The following SDK1 variants were observed in gnomAD, a reference collection of about 807,000 sequenced individuals.
SDK1 encodes the protein protein sidekick-1.
A neutral mutation model predicts 245.5 loss-of-function variants in SDK1; 157 were observed. That is an observed-to-expected ratio of 0.64 (90% CI 0.56 to 0.73). SDK1 has a LOEUF of 0.73. Among genes scored for constraint, SDK1 ranks in the 30% least tolerant of loss-of-function variants. The pLI, the probability that SDK1 is intolerant of heterozygous loss-of-function variation, is 0.00. For synonymous variants in SDK1, 1,647 were observed against 1,278.5 expected, an observed-to-expected ratio of 1.29 and a Z score of -6.15; for missense variants, 3,583 against 3,002.3, an observed-to-expected ratio of 1.19 and a Z score of -4.52.
chr7:4,216,818 C>T (rs1486957515), intron 38 of SDK1, among the ~76,000 whole-genome samples: 2 of 152,142 alleles, frequency 1.3e-5, no homozygotes, highest in African/African-American at 2.4e-5. Flanking sequence ...AGCATTTACC[C>T]GGTATGGGCA....
intron 1 of SDK1, among the ~76,000 whole-genome samples, chr7:3,611,413 A>G (rs76712761): frequency 0.032 from 4,848 of 152,184 alleles, 231 homozygotes; most frequent in African/African-American, 0.1. Flanking sequence ...TTAATAACCA[A>G]ACGACTTACT....
chr7:3,377,315 A>G (rs1039705497), intron 1 of SDK1, among the ~76,000 whole-genome samples: 2 of 152,134 alleles, frequency 1.3e-5, no homozygotes, highest in African/African-American at 2.4e-5. Context: ...ATGTTTAACG[A>G]TAAAGGACTA....
intron 5 of SDK1, among the ~76,000 whole-genome samples, chr7:3,875,929 C>A (rs1405395221): frequency 6.6e-6 from 1 of 152,184 alleles, no homozygotes; most frequent in Non-Finnish European, 1.5e-5. Context: ...CTTCCAGCTT[C>A]TTTGTTCTCT....
At chr7:4,176,361 T>A (rs642202) in intron 34 of SDK1, among the ~76,000 whole-genome samples, 1 of 151,828 alleles carries the variant, frequency 6.6e-6, no homozygotes. Flanking sequence ...AAGAGACGGG[T>A]TCTTGCTATG....
chr7:3,593,884 G>C (rs551737720), intron 1 of SDK1, among the ~76,000 whole-genome samples: 1 of 152,228 alleles, frequency 6.6e-6, no homozygotes, highest in East Asian at 1.9e-4. Flanking sequence ...AAAGAATGAA[G>C]ATAATAGCAC....
At chr7:3,431,551 A>G (rs1402193930) in intron 1 of SDK1, among the ~76,000 whole-genome samples, 2 of 152,050 alleles carry the variant, frequency 1.3e-5, no homozygotes, top group Non-Finnish European at 2.9e-5. Context: ...ATACCAAATC[A>G]ATTTTTTTTA....
intron 1 of SDK1, 52 bp from the exon 2 acceptor site, chr7:3,619,028 C>T (rs1781854387): frequency 2.2e-6 from 3 of 1,349,280 alleles, no homozygotes; most frequent in Admixed American, 4.4e-5. Flanking sequence ...TAGATGAGTG[C>T]CACTTTCATG....
At chr7:4,230,489 G>C (rs1033856601) in intron 40 of SDK1, among the ~76,000 whole-genome samples, 2 of 140,130 alleles carry the variant, frequency 1.4e-5, no homozygotes, top group Non-Finnish European at 3.1e-5. Context: ...GAAGGAGGGA[G>C]GGAAGGAAGG....
chr7:3,581,865 A>G (rs958418802), intron 1 of SDK1, among the ~76,000 whole-genome samples: 9 of 152,244 alleles, frequency 5.9e-5, no homozygotes, highest in African/African-American at 1.9e-4. Flanking sequence ...GTGAAGCTGG[A>G]GGCCATCATC....
chr7:3,561,968 A>C (rs569687496), intron 1 of SDK1, among the ~76,000 whole-genome samples: 2 of 152,350 alleles, frequency 1.3e-5, no homozygotes, highest in East Asian at 3.9e-4. Context: ...AGAAAGATTA[A>C]CACAAATGCT....
intron 35 of SDK1, among the ~76,000 whole-genome samples, chr7:4,197,289 C>T (rs374163135): frequency 6.0e-5 from 9 of 149,194 alleles, no homozygotes; most frequent in African/African-American, 2.2e-4. Context: ...GTAGCAAGAC[C>T]TCATCTCTGA....
chr7:4,169,401 G>A (rs373327683), intron 32 of SDK1, among the ~76,000 whole-genome samples: 191 of 152,138 alleles, frequency 1.3e-3, no homozygotes, highest in African/African-American at 4.2e-3. Flanking sequence ...CATGCCCCTC[G>A]CTCCCGTCTA....
At position 3,508,966 on chromosome 7, in the gene SDK1, T is replaced by A. The variant is rs145980193; in HGVS notation, c.299-110114T>A. Among the ~76,000 whole-genome samples the A allele has an allele frequency of 1.1e-3, 170 of 152,338 alleles. 1 individual carries two copies. Among genetic ancestry groups the A allele is most frequent in the African/African-American group, 3.8e-3 (159 of 41,564 alleles). On this transcript the variant is annotated intron_variant, in intron 1 of 44. Coordinates refer to ENST00000404826, the MANE Select transcript of SDK1 (RefSeq NM_152744.4). ...AAAGGATAAACATATCTGCACTGTT[T>A]TAATAGAATGTTCTAGTAATATCTG...
At chr7:3,960,890 C>A (rs192891038) in intron 8 of SDK1, among the ~76,000 whole-genome samples, 20 of 152,166 alleles carry the variant, frequency 1.3e-4, no homozygotes, top group African/African-American at 4.8e-4. Flanking sequence ...AAATATTTAG[C>A]GAGCTTATAT....
At chr7:4,117,583 CTGGTGCCGCAGCTGCCCTGGG>C (rs1783794242) in intron 25 of SDK1, among the ~76,000 whole-genome samples, 1 of 152,226 alleles carries the variant, frequency 6.6e-6, no homozygotes, top group Non-Finnish European at 1.5e-5. Context: ...AAGTGCTGGG[CTGGTGCCGCAGCTGCCCTGGG>C]TGGGATAGGA....
intron 1 of SDK1, among the ~76,000 whole-genome samples, chr7:3,377,967 G>T (rs947125109): frequency 6.6e-6 from 1 of 151,900 alleles, no homozygotes; most frequent in Non-Finnish European, 1.5e-5. Flanking sequence ...TAGTAAAGAT[G>T]GGGGTTTCAC....
chr7:4,127,026 C>T (rs1489348739), intron 25 of SDK1, among the ~76,000 whole-genome samples: 1 of 152,154 alleles, frequency 6.6e-6, no homozygotes, highest in Admixed American at 6.5e-5. Context: ...CAGAATACCA[C>T]ATTTAGAGCT....
Position 4,244,646 on chromosome 7 carries a change from G to A in SDK1, c.6252-1030G>A, listed in dbSNP as rs115737128. Among the ~76,000 whole-genome samples, 814 of 152,312 alleles carry A rather than the reference G, an allele frequency of 5.3e-3. 3 individuals are homozygous for A. Among genetic ancestry groups the A allele is most frequent in the African/African-American group, 0.019 (773 of 41,572 alleles). On this transcript the variant is annotated intron_variant, in intron 43 of 44. Coordinates refer to ENST00000404826, the MANE Select transcript of SDK1 (RefSeq NM_152744.4). ...CATTTAGCACCACGCGGTCTCCCTG[G>A]GGCAGGAGTCTGGGCACAGCTCAGC...
chr7:4,110,666 G>T lies in SDK1; in HGVS notation c.3328G>T (p.Gly1110Ter). The change falls in exon 23 of 45, where the codon GGA becomes TGA. Residue 1110 changes from glycine (G) to a stop codon, truncating the protein, a stop_gained. Transcript: ENST00000404826. LOFTEE classifies it high-confidence loss of function. ...ISRWIVEGQV[G>*]AIGDEEEWVT... Reference sequence around the variant, plus strand: ...CTCAGTGTCTCCCTCTGCACAGGTGGGAGCTATCGGCGACGAGGAGGAGTG... The same window carrying T: ...CTCAGTGTCTCCCTCTGCACAGGTGTGAGCTATCGGCGACGAGGAGGAGTG... The T allele has an allele frequency of 2.5e-6, 4 of 1,610,132 alleles. No individual in the cohort carries two copies. The highest frequency in any genetic ancestry group is 3.4e-6 in the Non-Finnish European group (4 of 1,176,966).
Sources: allele counts gnomAD v4.1 joint callset (sites outside exome capture counted in the v4.1 genomes callset), GRCh38; gene constraint gnomAD v4.1.1; transcripts MANE v1.5; gene names NCBI Gene and HGNC (gene_info 2026-07-23, HGNC 2026-07-21).